The following LRRC66 variants were observed in gnomAD, a reference collection of about 807,000 sequenced individuals.
The protein encoded by LRRC66 is leucine rich repeat containing 66, also known as leucine-rich repeat-containing protein 66.
Under a neutral mutation model 24.6 loss-of-function variants are expected in LRRC66, and 29 were observed. The ratio of observed to expected loss-of-function variants is 1.18; its 90% CI spans 0.88 to 1.61. LRRC66 has a LOEUF of 1.61. Ranked by LOEUF, LRRC66 falls within the 40% of genes most tolerant of loss-of-function variation. LRRC66 has a pLI of 0.00. For missense variants in LRRC66, 1,124 were observed against 1,058.0 expected (o/e 1.06, Z -0.87); for synonymous variants, 411 against 397.6 (o/e 1.03, Z -0.40).
intron 4 of LRRC66, among the ~76,000 whole-genome samples, chr4:51,997,265 G>T (rs1409354595): frequency 1.3e-5 from 2 of 152,150 alleles, no homozygotes; most frequent in Non-Finnish European, 2.9e-5. Context: ...TGTGTTTTGC[G>T]TATGTAGAGG....
intron 3 of LRRC66, among the ~76,000 whole-genome samples, chr4:52,001,354 A>T (rs972678414): frequency 2.0e-5 from 3 of 152,150 alleles, no homozygotes; most frequent in Non-Finnish European, 2.9e-5. Flanking sequence ...AGTGGGGAGG[A>T]CTTGAGGTGA....
In LRRC66 at chr4:51,995,024, T is replaced by C; in HGVS notation, c.1998A>G (p.Pro666=). 1.2e-6 allele frequency: 2 copies of C among 1,614,142 alleles called. No homozygotes were observed. The highest frequency in any genetic ancestry group is 1.3e-5 in the African/African-American group (1 of 75,050). The change falls in exon 5 of 5, where the codon CCA becomes CCG. Residue 666 remains proline (P), a synonymous_variant. Transcript: ENST00000682860. The part of the protein sequence containing the change: ...VPYGDPRDTG[P]SVFPPRWDSG... The stretch of plus-strand genomic sequence containing the variant: ...TGTCCCATCTTGGAGGAAAGACTGA[T>C]GGGCCTGTGTCTCTTGGGTCACCGT...
At chr4:52,003,725 T>TA (rs1240016144) in intron 2 of LRRC66, among the ~76,000 whole-genome samples, 17 of 152,178 alleles carry the variant, frequency 1.1e-4, no homozygotes, top group Admixed American at 1.1e-3. Flanking sequence ...TACTAACAGT[T>TA]AGAGTTAGGA....
chr4:51,998,457 T>C (rs1371742922), intron 3 of LRRC66, among the ~76,000 whole-genome samples: 1 of 152,186 alleles, frequency 6.6e-6, no homozygotes, highest in Non-Finnish European at 1.5e-5. Context: ...ACTATGTTGC[T>C]TAATTGGACT....
chr4:52,003,383 T>A lies in LRRC66; in HGVS notation c.506A>T (p.Lys169Ile), dbSNP rs200961594. The A allele has an allele frequency of 1.0e-4, 163 of 1,612,866 alleles. No individual in the cohort carries two copies. Among genetic ancestry groups the A allele is most frequent in the Middle Eastern group, 3.3e-4 (2 of 6,070 alleles). The change falls in exon 3 of 5, where the codon AAA (lysine) becomes ATA (isoleucine). Residue 169 changes from lysine (K) to isoleucine (I), a missense_variant. Lys to Ile is a moderately radical substitution (Grantham distance 102, BLOSUM62 -3). Transcript: ENST00000682860. ...ATCCAAACTCTGCAATGACTTCAGT[T>A]TCCACAGTCCTGTTAAAATGAAAAA... is the stretch of plus-strand genomic sequence containing the variant. ...KLSDTPKGLW[K>I]LKSLQSLDLS...
At chr4:51,996,398 C>G (rs1383213476) in intron 4 of LRRC66, among the ~76,000 whole-genome samples, 1 of 151,994 alleles carries the variant, frequency 6.6e-6, no homozygotes, top group Non-Finnish European at 1.5e-5. Flanking sequence ...AGGTGTGTGT[C>G]ACCACGCCTG....
In LRRC66 at chr4:52,017,161, C is replaced by G; in HGVS notation, c.453G>C (p.Lys151Asn). 1 of 1,614,024 alleles carries G rather than the reference C, an allele frequency of 6.2e-7. No individual in the cohort carries two copies. The highest frequency in any genetic ancestry group is 8.5e-7 in the Non-Finnish European group (1 of 1,179,978). ...SSFRNRFPLL[K>N]VLILQRNKLS... ...GTTTATTTCTTTGAAGAATGAGCAC[C>G]TTCAGCAATGGAAACCTGTTTCTGA... The change falls in exon 2 of 5, where the codon AAG (lysine) becomes AAC (asparagine). Residue 151 changes from lysine to asparagine, a missense_variant. By Grantham distance (94) the Lys-to-Asn change is moderately conservative. Coordinates refer to ENST00000682860, the MANE Select transcript of LRRC66 (RefSeq NM_001024611.3).
At chr4:52,020,141 AAGAT>A (rs1380087191) in intron 1 of LRRC66, among the ~76,000 whole-genome samples, 159 bp downstream of exon 1, 4 of 152,176 alleles carry the variant, frequency 2.6e-5, no homozygotes, top group Admixed American at 6.5e-5. Context: ...CAGCAAGTGA[AAGAT>A]AGGAAGAAGG....
chr4:52,005,948 T>C (rs571964660), intron 2 of LRRC66, among the ~76,000 whole-genome samples: 2 of 152,354 alleles, frequency 1.3e-5, no homozygotes, highest in African/African-American at 4.8e-5. Flanking sequence ...CATCTTTTAA[T>C]ATGGGTCTGT....
chr4:51,998,651 C>G (rs1328119171), intron 3 of LRRC66, among the ~76,000 whole-genome samples: 2 of 152,122 alleles, frequency 1.3e-5, no homozygotes, highest in African/African-American at 4.8e-5. Context: ...CTAGTCTGAT[C>G]AGAAATGAAG....
At chr4:52,007,996 T>C (rs542499083) in intron 2 of LRRC66, among the ~76,000 whole-genome samples, 1 of 152,256 alleles carries the variant, frequency 6.6e-6, no homozygotes, top group African/African-American at 2.4e-5. Context: ...TTTTAATTTA[T>C]AGAATCAAAG....
chr4:51,996,027 A>G lies in LRRC66; in HGVS notation c.995T>C (p.Ile332Thr), dbSNP rs755196517. The change falls in exon 5 of 5, where the codon ATT becomes ACT. Residue 332 changes from isoleucine (I) to threonine (T), a missense_variant. Transcript: ENST00000682860. ...CTTTGCCTTCTTCCCCAGAGTAGAA[A>G]TGCCCGTGTGCCTTCCTCCCTGGGG... ...ERPQGGRHTG[I>T]STLGKKAKAG... 4 of 1,613,956 alleles carry G rather than the reference A, an allele frequency of 2.5e-6. No homozygotes were observed. The South Asian group carries it at 4.4e-5, about 18-fold the overall frequency.
Position 52,019,840 on chromosome 4 carries a change from A to T in LRRC66, c.-6+464T>A, listed in dbSNP as rs75791670. ...AAATACTTTTTCTTAAGGGGACATGAATTAAAATTGCCCTGGTTCTTTTTA... is the reference window on the plus strand; with the variant it reads ...AAATACTTTTTCTTAAGGGGACATGTATTAAAATTGCCCTGGTTCTTTTTA... On this transcript the variant is annotated intron_variant, in intron 1 of 4. Transcript: ENST00000682860. 8.7e-4 allele frequency among the ~76,000 whole-genome samples: 132 copies of T among 152,312 alleles called. 2 individuals carry two copies. The East Asian group carries it at 0.025, about 29-fold the overall frequency.
intron 1 of LRRC66, chr4:52,018,529 T>C: frequency 1.0e-6 from 1 of 985,446 alleles, no homozygotes; most frequent in Middle Eastern, 5.2e-4. Context: ...TTTTCATCAC[T>C]GCAGTCTGAA....
intron 1 of LRRC66, chr4:52,018,366 A>G (rs1173194612): frequency 3.0e-6 from 3 of 984,852 alleles, no homozygotes; most frequent in Non-Finnish European, 3.6e-6. Context: ...TGAATGTATC[A>G]CAAAAATAAG....
chr4:51,995,989 G>A lies in LRRC66; in HGVS notation c.1033C>T (p.Leu345Phe), dbSNP rs774950894. The change falls in exon 5 of 5, where the codon CTC becomes TTC. Residue 345 changes from leucine (L) to phenylalanine (F), a missense_variant. Transcript: ENST00000682860. ...LGKKAKAGSG[L>F]RKKQRRLPRS... is the part of the protein sequence containing the mutation. ...GGCAGCCGTCTCTGCTTCTTCCTGA[G>A]ACCAGAGCCGGCCTTTGCCTTCTTC... The A allele has an allele frequency of 7.4e-6, 12 of 1,613,830 alleles. No homozygotes were observed. The South Asian group carries it at 7.7e-5, about 10-fold the overall frequency.
At position 52,017,457 on chromosome 4, in the gene LRRC66, C is replaced by T. The variant is rs1736843916; in HGVS notation, c.157G>A (p.Asp53Asn). The part of the protein sequence containing the change: ...LTNCSFTGKC[D>N]IPVDISQTAA... ...GTCTGTGATATGTCCACAGGTATAT[C>T]ACACTTTCCGGTAAAAGAACAATTT... The change falls in exon 2 of 5, where the codon GAT becomes AAT. Residue 53 changes from aspartate to asparagine, a missense_variant. By Grantham distance (23) the Asp-to-Asn change is conservative. Coordinates refer to ENST00000682860, the MANE Select transcript of LRRC66 (RefSeq NM_001024611.3). 1.2e-6 allele frequency: 2 copies of T among 1,613,950 alleles called. No homozygotes were observed. Among genetic ancestry groups the T allele is most frequent in the African/African-American group, 2.7e-5 (2 of 74,898 alleles).
chr4:52,008,459 T>A (rs546904185), intron 2 of LRRC66, among the ~76,000 whole-genome samples: 3 of 152,026 alleles, frequency 2.0e-5, no homozygotes, highest in Non-Finnish European at 4.4e-5. Flanking sequence ...AAGCTGTTTT[T>A]TTTTTTAAGA....
At chr4:52,014,936 T>C (rs1181889631) in intron 2 of LRRC66, among the ~76,000 whole-genome samples, 1 of 152,192 alleles carries the variant, frequency 6.6e-6, no homozygotes, top group African/African-American at 2.4e-5. Context: ...AAGTTGAACA[T>C]TTTTCTTGAT....
Sources: gnomAD v4.1 joint callset for allele counts (sites outside exome capture counted in the v4.1 genomes callset) on GRCh38, gnomAD v4.1.1 for gene constraint, MANE v1.5 for transcripts, NCBI Gene and HGNC (gene_info 2026-07-23, HGNC 2026-07-21) for gene names.